The following MGA variants were observed in gnomAD, a reference collection of about 807,000 sequenced individuals.
The protein encoded by MGA is MAX dimerization protein MGA, also known as MAX gene-associated protein.
A neutral mutation model predicts 261.1 loss-of-function variants in MGA; 40 were observed. That is an observed-to-expected ratio of 0.15 (90% CI 0.12 to 0.20). The LOEUF (loss-of-function observed/expected upper bound fraction) is 0.20, where lower values mean the gene tolerates loss of function less well. Ranked by LOEUF, MGA falls within the 10% of genes least tolerant of loss-of-function variation. The probability of loss-of-function intolerance (pLI) is 1.00; values close to 1 mark genes in which losing one functional copy is unlikely to be tolerated. For synonymous variants in MGA, 1,302 were observed against 1,290.6 expected (o/e 1.01, Z -0.19); for missense variants, 3,397 against 3,630.5 (o/e 0.94, Z 1.65).
At chr15:41,727,715 T>C (rs1389021162) in intron 10 of MGA, among the ~76,000 whole-genome samples, 1 of 152,102 alleles carries the variant, frequency 6.6e-6, no homozygotes, top group African/African-American at 2.4e-5. Flanking sequence ...ATATTAGTAA[T>C]CAATATAAGC....
chr15:41,634,736 G>A (rs1294995694), intron 1 of MGA, among the ~76,000 whole-genome samples: 1 of 152,096 alleles, frequency 6.6e-6, no homozygotes, highest in Non-Finnish European at 1.5e-5. Context: ...TGCATATAAT[G>A]TATGTTCAGG....
At chr15:41,762,419 G>C in intron 22 of MGA, 57 bp downstream of exon 22, 3 of 1,176,038 alleles carry the variant, frequency 2.6e-6, no homozygotes, top group Non-Finnish European at 3.6e-6. Flanking sequence ...TGACTTTAGT[G>C]GACTGACCAC....
At chr15:41,723,052 T>G (rs755950190) in intron 9 of MGA, among the ~76,000 whole-genome samples, 1 of 152,212 alleles carries the variant, frequency 6.6e-6, no homozygotes, top group Non-Finnish European at 1.5e-5. Context: ...AGGAGGCATT[T>G]CAGTAGAAAT....
chr15:41,629,032 C>T (rs1474719617), intron 1 of MGA, among the ~76,000 whole-genome samples: 1 of 143,310 alleles, frequency 7.0e-6, no homozygotes, highest in Non-Finnish European at 1.5e-5. Context: ...GTCGCAGCTA[C>T]TTATGCTTAA....
At position 41,760,330 on chromosome 15, in the gene MGA, C is replaced by G. The variant is rs201703131; in HGVS notation, c.7199C>G (p.Pro2400Arg). ...GCAATCTTGTTTGGACAGGCTCCAC[C>G]AATTCCTCTAAAACTGAAGCCTGAT... is the stretch of plus-strand genomic sequence containing the variant. Residue 2400 changes from proline (P) to arginine (R), a missense_variant, in exon 20 of 24, where the codon CCA (proline) becomes CGA (arginine). Physicochemically the swap from Pro to Arg is moderately radical, Grantham distance 103. Around this residue, in one of 9 missense-constraint regions of MGA, gnomAD observed 1,410 missense variants for 1,386.4 expected, o/e 1.02. Coordinates refer to ENST00000219905, the MANE Select transcript of MGA (RefSeq NM_001164273.2). 20 of 1,613,862 alleles carry G rather than the reference C, an allele frequency of 1.2e-5. No individual in the cohort carries two copies. The highest frequency in any genetic ancestry group is 1.5e-5 in the Non-Finnish European group (18 of 1,179,856).
At chr15:41,681,890 A>G (rs1566969752) in intron 2 of MGA, among the ~76,000 whole-genome samples, 1 of 152,048 alleles carries the variant, frequency 6.6e-6, no homozygotes, top group African/African-American at 2.4e-5. Context: ...TGTAGTTTAT[A>G]TGTACTGGTG....
chr15:41,760,473 A>C lies in MGA; in HGVS notation c.7342A>C (p.Ile2448Leu). ...GAGGGATCTCTTTGAGAAATTAAAG[A>C]TCACATTGGGATTACTTCATTCTTC... The change falls in exon 20 of 24, where the codon ATC becomes CTC. Residue 2448 changes from isoleucine (I) to leucine (L), a missense_variant. By Grantham distance (5) the Ile-to-Leu change is conservative (BLOSUM62 2). This residue lies in a region of MGA where 50 missense variants were observed against 121.5 expected (regional missense o/e 0.41). Coordinates refer to ENST00000219905, the MANE Select transcript of MGA (RefSeq NM_001164273.2). The C allele has an allele frequency of 6.2e-7, 1 of 1,614,026 alleles. No homozygotes were observed. The highest frequency in any genetic ancestry group is 1.1e-5 in the South Asian group (1 of 91,086).
intron 11 of MGA, among the ~76,000 whole-genome samples, chr15:41,733,300 T>G (rs2061606105): frequency 6.6e-6 from 1 of 151,988 alleles, no homozygotes; most frequent in Non-Finnish European, 1.5e-5. Flanking sequence ...AAAAAAAAAT[T>G]GGAACTAAGG....
chr15:41,767,607 C>T lies in MGA; in HGVS notation c.*327C>T. 3.3e-6 allele frequency: 1 copy of T among 299,340 alleles called. No homozygotes were observed. The highest frequency in any genetic ancestry group is 6.2e-6 in the Non-Finnish European group (1 of 160,048). The allele number at this position is 299,340 out of a possible 1,614,324, so 18.5% of individuals were successfully genotyped here. On this transcript the variant is annotated 3_prime_UTR_variant, in exon 24 of 24. Transcript: ENST00000219905. ...TCTGGCTCCACAGTGGTTTCTAGTT[C>T]TTCCCCCACAAGCGAAAGAGCTGTT...
chr15:41,713,301 G>C lies in MGA; in HGVS notation c.3235G>C (p.Gly1079Arg). 1 of 1,613,954 alleles carries C rather than the reference G, an allele frequency of 6.2e-7. No individual in the cohort carries two copies. Among genetic ancestry groups the C allele is most frequent in the Non-Finnish European group, 8.5e-7 (1 of 1,179,872 alleles). Residue 1079 changes from glycine (G) to arginine (R), a missense_variant, in exon 9 of 24, where the codon GGT becomes CGT. Gly to Arg is a moderately radical substitution (Grantham distance 125, BLOSUM62 -2). Coordinates refer to ENST00000219905, the MANE Select transcript of MGA (RefSeq NM_001164273.2). Reference sequence around the variant, plus strand: ...CTGCCGCCGACCAGACTGCATGTTTGGTTGTACTTGTTTGAAAAGAAAAGT... The same window carrying C: ...CTGCCGCCGACCAGACTGCATGTTTCGTTGTACTTGTTTGAAAAGAAAAGT...
intron 15 of MGA, among the ~76,000 whole-genome samples, chr15:41,743,742 C>A (rs893497848): frequency 6.6e-6 from 1 of 152,138 alleles, no homozygotes; most frequent in African/African-American, 2.4e-5. Flanking sequence ...GTAGTAAAAA[C>A]CACTAATGAA....
Position 41,766,964 on chromosome 15 carries a change from T to C in MGA, c.8882T>C (p.Val2961Ala). The change falls in exon 24 of 24, where the codon GTG becomes GCG. Residue 2961 changes from valine (V) to alanine (A), a missense_variant. Physicochemically the swap from Val to Ala is moderately conservative, Grantham distance 64. Around this residue, in one of 9 missense-constraint regions of MGA, gnomAD observed 647 missense variants for 642.4 expected, o/e 1.01. Coordinates refer to ENST00000219905, the MANE Select transcript of MGA (RefSeq NM_001164273.2). Reference sequence around the variant, plus strand: ...GGCCTCCCTGCAGAGCCCGAAAGTGTGTCCTCACCCCCCACCCTACACATG... The same window carrying C: ...GGCCTCCCTGCAGAGCCCGAAAGTGCGTCCTCACCCCCCACCCTACACATG... The C allele has an allele frequency of 6.2e-7, 1 of 1,613,980 alleles. No homozygotes were observed. The highest frequency in any genetic ancestry group is 8.5e-7 in the Non-Finnish European group (1 of 1,179,884).
At position 41,748,748 on chromosome 15, in the gene MGA, G is replaced by A. The variant is rs375598398; in HGVS notation, c.5324G>A (p.Arg1775Lys). 1.3e-5 allele frequency: 21 copies of A among 1,613,804 alleles called. No homozygotes were observed. Among genetic ancestry groups the A allele is most frequent in the Non-Finnish European group, 1.7e-5 (20 of 1,179,896 alleles). The stretch of plus-strand genomic sequence containing the variant: ...GTGCAGCAGGGTTCTCCTACTCTTA[G>A]ACCTGTCTCAAACACACAACTTCAG... Residue 1775 changes from arginine (R) to lysine (K), a missense_variant, in exon 16 of 24, where the codon AGA (arginine) becomes AAA (lysine). Coordinates refer to ENST00000219905, the MANE Select transcript of MGA (RefSeq NM_001164273.2).
chr15:41,681,346 C>CA lies in MGA; in HGVS notation c.1064+11390dup, dbSNP rs530298648. On this transcript the variant is annotated intron_variant, in intron 2 of 23. Coordinates refer to ENST00000219905, the MANE Select transcript of MGA (RefSeq NM_001164273.2). ...ATCCATTTAAAATTATTTTCTAGTACAATATATGGGCCGTTTAGTTGTTAC... is the reference window on the plus strand; with the variant it reads ...ATCCATTTAAAATTATTTTCTAGTACAAATATATGGGCCGTTTAGTTGTTAC... 1.5e-3 allele frequency among the ~76,000 whole-genome samples: 223 copies of CA among 149,988 alleles called. 1 individual carries two copies. Among genetic ancestry groups the CA allele is most frequent in the African/African-American group, 5.3e-3 (217 of 40,914 alleles).
At chr15:41,763,092 C>CTTTT (rs71108131) in intron 22 of MGA, among the ~76,000 whole-genome samples, 1,479 of 64,006 alleles carry the variant, frequency 0.023, 61 homozygotes, top group Non-Finnish European at 0.035. Flanking sequence ...TTCTTTCTTC[C>CTTTT]TTTTTTTTTT....
chr15:41,684,048 C>T (rs1309096667), intron 2 of MGA, among the ~76,000 whole-genome samples: 1 of 151,938 alleles, frequency 6.6e-6, no homozygotes, highest in Non-Finnish European at 1.5e-5. Flanking sequence ...CTGTGTGCAC[C>T]CTTATTGCCT....
chr15:41,722,644 T>C (rs926807091), intron 9 of MGA, among the ~76,000 whole-genome samples: 1 of 152,208 alleles, frequency 6.6e-6, no homozygotes, highest in African/African-American at 2.4e-5. Flanking sequence ...GTATACTGTT[T>C]ATGTACATTT....
intron 9 of MGA, among the ~76,000 whole-genome samples, chr15:41,716,380 G>C (rs2060637796): frequency 6.6e-6 from 1 of 152,026 alleles, no homozygotes; most frequent in African/African-American, 2.4e-5. Flanking sequence ...TGTGAACCCG[G>C]GAGGCAGAGC....
intron 15 of MGA, among the ~76,000 whole-genome samples, chr15:41,745,160 C>T (rs747641922): frequency 5.3e-5 from 8 of 151,872 alleles, no homozygotes; most frequent in Admixed American, 6.6e-5. Flanking sequence ...TTATTACAGG[C>T]GTGAGCCACA....
Sources: allele counts gnomAD v4.1 joint callset (sites outside exome capture counted in the v4.1 genomes callset), GRCh38; gene constraint gnomAD v4.1.1; regional missense constraint gnomAD v4.1.1; transcripts MANE v1.5; gene names NCBI Gene and HGNC (gene_info 2026-07-23, HGNC 2026-07-21).